Variants in PTPRD observed in about 807,000 individuals in gnomAD.
PTPRD encodes the protein receptor-type tyrosine-protein phosphatase delta.
A neutral mutation model predicts 214.5 loss-of-function variants in PTPRD; 34 were observed. That is an observed-to-expected ratio of 0.16 (90% CI 0.12 to 0.21). The LOEUF (loss-of-function observed/expected upper bound fraction) is 0.21. Among genes scored for constraint, PTPRD ranks in the 10% least tolerant of loss-of-function variants. PTPRD has a pLI of 1.00. For missense variants in PTPRD, 2,545 were observed against 2,398.7 expected (o/e 1.06, Z -1.27); for synonymous variants, 1,128 against 845.7 (o/e 1.33, Z -5.79).
At chr9:9,492,788 C>T (rs140832591) in intron 8 of PTPRD, among the ~76,000 whole-genome samples, 1 of 150,998 alleles carries the variant, frequency 6.6e-6, no homozygotes, top group African/African-American at 2.4e-5. Context: ...TGCCATTTTT[C>T]CAAAAGCACG....
At position 9,810,609 on chromosome 9, in the gene PTPRD, G is replaced by GA. The variant is rs879878025; in HGVS notation, c.-367-43759dup. ...ACTTGTTGAAACCTATTGCTCAGAA[G>GA]AAAAAAAAAAAAAGATTTCGTTTAA... is the stretch of plus-strand genomic sequence containing the variant. On this transcript the variant is annotated intron_variant, in intron 5 of 45. Coordinates refer to ENST00000381196, the MANE Select transcript of PTPRD (RefSeq NM_002839.4). Among the ~76,000 whole-genome samples the GA allele has an allele frequency of 5.2e-3, 693 of 132,220 alleles. 2 individuals carry two copies. The highest frequency in any genetic ancestry group is 0.013 in the African/African-American group (449 of 35,890). The allele number at this position is 132,220 out of a possible 152,430, so 86.7% of individuals were successfully genotyped here.
intron 8 of PTPRD, among the ~76,000 whole-genome samples, chr9:9,420,556 A>G (rs889935355): frequency 6.6e-6 from 1 of 151,934 alleles, no homozygotes; most frequent in Non-Finnish European, 1.5e-5. Flanking sequence ...TGGGTCTAAC[A>G]ATTTGGTTTG....
At chr9:8,715,088 G>A (rs970392080) in intron 12 of PTPRD, among the ~76,000 whole-genome samples, 1 of 151,000 alleles carries the variant, frequency 6.6e-6, no homozygotes, top group Non-Finnish European at 1.5e-5. Context: ...TCCAAGACCT[G>A]AACAATATCT....
chr9:8,335,657 A>G (rs952256065), intron 43 of PTPRD, among the ~76,000 whole-genome samples: 14 of 152,188 alleles, frequency 9.2e-5, no homozygotes, highest in African/African-American at 3.4e-4. Context: ...ATCAGGCAAG[A>G]GAAAGAAGTA....
At chr9:9,511,102 G>C (rs140246020) in intron 8 of PTPRD, among the ~76,000 whole-genome samples, 1 of 151,866 alleles carries the variant, frequency 6.6e-6, no homozygotes. Context: ...AAAGAAATGT[G>C]TGTGATTTGC....
chr9:10,176,066 T>C (rs1413624136), intron 3 of PTPRD, among the ~76,000 whole-genome samples: 2 of 152,012 alleles, frequency 1.3e-5, no homozygotes, highest in Non-Finnish European at 2.9e-5. Flanking sequence ...TTTCATTTAT[T>C]TGGTGGAAAA....
At chr9:8,556,195 A>C (rs2083698818) in intron 14 of PTPRD, among the ~76,000 whole-genome samples, 1 of 152,218 alleles carries the variant, frequency 6.6e-6, no homozygotes, top group East Asian at 1.9e-4. Flanking sequence ...TGAAATGCAG[A>C]TTAAAGGCAT....
At chr9:8,966,902 T>A (rs573770831) in intron 11 of PTPRD, among the ~76,000 whole-genome samples, 2 of 148,538 alleles carry the variant, frequency 1.3e-5, no homozygotes, top group African/African-American at 5.1e-5. Flanking sequence ...ACTTAAACAA[T>A]TGAACAAGCA....
At chr9:9,993,969 T>A (rs774474146) in intron 4 of PTPRD, among the ~76,000 whole-genome samples, 10 of 152,196 alleles carry the variant, frequency 6.6e-5, no homozygotes, top group Non-Finnish European at 1.5e-4. Context: ...ATATGTATAA[T>A]ACGTACTAGA....
rs534697702 is a variant in PTPRD at position 9,223,507 on chromosome 9, A to C, written c.-202-40144T>G. 5.9e-5 allele frequency among the ~76,000 whole-genome samples: 9 copies of C among 152,122 alleles called. No individual in the cohort carries two copies. The South Asian group carries it at 1.5e-3, about 25-fold the overall frequency. Reference sequence around the variant, plus strand: ...ATCAGAATGCTCTCTAAGTCTTGGCAATTTTACCATTGTAAAATAAACTAG... The same window carrying C: ...ATCAGAATGCTCTCTAAGTCTTGGCCATTTTACCATTGTAAAATAAACTAG... On this transcript the variant is annotated intron_variant, in intron 9 of 45. Coordinates refer to ENST00000381196, the MANE Select transcript of PTPRD (RefSeq NM_002839.4).
chr9:9,396,537 C>T (rs1321040852), intron 9 of PTPRD, among the ~76,000 whole-genome samples: 4 of 151,968 alleles, frequency 2.6e-5, no homozygotes, highest in Non-Finnish European at 5.9e-5. Context: ...TACAGTTGAT[C>T]TATTATTTCT....
At chr9:9,403,768 G>C (rs752813290) in intron 8 of PTPRD, among the ~76,000 whole-genome samples, 7 of 152,024 alleles carry the variant, frequency 4.6e-5, no homozygotes, top group African/African-American at 1.7e-4. Flanking sequence ...TTAGGCATTG[G>C]GGATATAGTG....
intron 3 of PTPRD, among the ~76,000 whole-genome samples, chr9:10,325,807 G>A (rs1318556224): frequency 9.9e-5 from 15 of 151,518 alleles, no homozygotes; most frequent in Non-Finnish European, 1.5e-5. Flanking sequence ...ATTTTGCCTG[G>A]GTTAAAAATT....
intron 8 of PTPRD, among the ~76,000 whole-genome samples, chr9:9,566,621 C>T (rs577176511): frequency 6.6e-6 from 1 of 151,828 alleles, no homozygotes. Flanking sequence ...TTTAAAAAGG[C>T]TAAACACTAT....
intron 2 of PTPRD, among the ~76,000 whole-genome samples, chr9:10,516,766 G>A (rs2050253569): frequency 6.6e-6 from 1 of 151,442 alleles, no homozygotes; most frequent in Non-Finnish European, 1.5e-5. Flanking sequence ...GTAAGATAAG[G>A]GTCCAATTTT....
intron 11 of PTPRD, among the ~76,000 whole-genome samples, chr9:8,866,817 A>G (rs1185748841): frequency 3.9e-5 from 6 of 152,140 alleles, no homozygotes. Flanking sequence ...ACATATGAAT[A>G]CTACTTCCAT....
At chr9:9,382,669 G>T (rs1208200023) in intron 9 of PTPRD, among the ~76,000 whole-genome samples, 2 of 152,028 alleles carry the variant, frequency 1.3e-5, no homozygotes. Flanking sequence ...TCCATGAGGG[G>T]ACAGAGAAAT....
chr9:9,912,166 T>C (rs1040515163), intron 5 of PTPRD, among the ~76,000 whole-genome samples: 3 of 152,106 alleles, frequency 2.0e-5, no homozygotes, highest in Non-Finnish European at 4.4e-5. Context: ...GAAGTAAAAG[T>C]GAAAGCAAAT....
intron 3 of PTPRD, among the ~76,000 whole-genome samples, chr9:10,159,040 G>A (rs2099111192): frequency 6.6e-6 from 1 of 151,994 alleles, no homozygotes; most frequent in African/African-American, 2.4e-5. Context: ...TGAACACCTA[G>A]GAAGCCTTCT....
Sources: gnomAD v4.1 joint callset for allele counts (sites outside exome capture counted in the v4.1 genomes callset) on GRCh38, gnomAD v4.1.1 for gene constraint, MANE v1.5 for transcripts, NCBI Gene and HGNC (gene_info 2026-07-23, HGNC 2026-07-21) for gene names.